Variants in GABRR2 observed in about 807,000 individuals in gnomAD.
GABRR2 encodes gamma-aminobutyric acid receptor subunit rho-2.
Under a neutral mutation model 47.0 loss-of-function variants are expected in GABRR2, and 36 were observed. That is an observed-to-expected ratio of 0.77 (90% confidence interval 0.59 to 1.01). GABRR2 has a LOEUF of 1.01. Among genes scored for constraint, GABRR2 ranks in the 50% least tolerant of loss-of-function variants. The probability of loss-of-function intolerance (pLI) is 0.00; values close to 1 mark genes in which losing one functional copy is unlikely to be tolerated. For missense variants in GABRR2, 587 were observed against 594.6 expected, an observed-to-expected ratio of 0.99 and a Z score of 0.13; for synonymous variants, 204 against 227.5, an observed-to-expected ratio of 0.90 and a Z score of 0.93.
chr6:89,255,569 A>G lies in GABRR2; in HGVS notation c.*2101T>C, dbSNP rs1773583857. Among the ~76,000 whole-genome samples the G allele has an allele frequency of 6.6e-6, 1 of 152,058 alleles. No homozygotes were observed. Among genetic ancestry groups the G allele is most frequent in the African/African-American group, 2.4e-5 (1 of 41,394 alleles). ...GTAGTCTTGGGTCCAGCAACTCCAT[A>G]GTGGGGAAGCTGTCCTCATAAGCAC... On this transcript the variant is annotated 3_prime_UTR_variant, in exon 9 of 9. Coordinates refer to ENST00000402938, the MANE Select transcript of GABRR2 (RefSeq NM_002043.5).
chr6:89,314,996 C>T, intron 1 of GABRR2, 57 bp downstream of exon 1: 1 of 1,492,768 alleles, frequency 6.7e-7, no homozygotes, highest in Non-Finnish European at 9.2e-7. Flanking sequence ...TCCCACTGTG[C>T]CACTGCTGCT....
intron 2 of GABRR2, among the ~76,000 whole-genome samples, chr6:89,289,605 G>A (rs1282604837): frequency 6.6e-6 from 1 of 152,134 alleles, no homozygotes; most frequent in Middle Eastern, 3.2e-3. Flanking sequence ...GGGATGGGGG[G>A]CACGCCAGAG....
intron 6 of GABRR2, 98 bp from the exon 7 acceptor site, chr6:89,265,863 G>A (rs988861608): frequency 1.7e-6 from 2 of 1,202,492 alleles, no homozygotes; most frequent in Admixed American, 4.5e-5. Flanking sequence ...GCTCTCCTCA[G>A]CAACAGAAAG....
chr6:89,306,624 T>G (rs1185403644), intron 1 of GABRR2, among the ~76,000 whole-genome samples: 1 of 152,134 alleles, frequency 6.6e-6, no homozygotes, highest in Non-Finnish European at 1.5e-5. Flanking sequence ...ACAGCCCTGG[T>G]CAGTCCTTCC....
intron 8 of GABRR2, among the ~76,000 whole-genome samples, chr6:89,261,246 A>G (rs1353453277): frequency 1.3e-5 from 2 of 152,246 alleles, no homozygotes; most frequent in African/African-American, 4.8e-5. Flanking sequence ...AATATGGTCC[A>G]AAGTCCTGTG....
At chr6:89,313,202 C>T (rs7764923) in intron 1 of GABRR2, among the ~76,000 whole-genome samples, 52,703 of 152,116 alleles carry the variant, frequency 0.35, 11,522 homozygotes, top group African/African-American at 0.62. Context: ...AATGAGTTGA[C>T]TTGGACAGTT....
At chr6:89,289,543 C>T (rs74496937) in intron 2 of GABRR2, among the ~76,000 whole-genome samples, 2,649 of 152,088 alleles carry the variant, frequency 0.017, 69 homozygotes, top group African/African-American at 0.056. Flanking sequence ...TCAGAGAGGG[C>T]GCAGCTAGGA....
chr6:89,296,529 G>C (rs1774556725), intron 2 of GABRR2, among the ~76,000 whole-genome samples: 1 of 152,234 alleles, frequency 6.6e-6, no homozygotes, highest in East Asian at 1.9e-4. Flanking sequence ...TGTGGTGGCT[G>C]AGATCTTGAC....
At chr6:89,299,667 A>T in intron 2 of GABRR2, 92 bp downstream of exon 2, 1 of 798,560 alleles carries the variant, frequency 1.3e-6, no homozygotes, top group Non-Finnish European at 2.2e-6. Context: ...GCACCATCTG[A>T]GGAAGCGCTG....
intron 1 of GABRR2, chr6:89,301,993 G>C: frequency 1.4e-6 from 1 of 736,256 alleles, no homozygotes; most frequent in South Asian, 1.5e-5. Context: ...TGGAGCCCGG[G>C]ACCATGGACA....
At chr6:89,272,995 T>C (rs1386013205) in intron 2 of GABRR2, among the ~76,000 whole-genome samples, 1 of 152,138 alleles carries the variant, frequency 6.6e-6, no homozygotes, top group Admixed American at 6.5e-5. Context: ...ACACTTGAAA[T>C]CCCACCGTTA....
intron 2 of GABRR2, among the ~76,000 whole-genome samples, chr6:89,295,228 A>G (rs1774534025): frequency 6.6e-6 from 1 of 152,220 alleles, no homozygotes; most frequent in East Asian, 1.9e-4. Flanking sequence ...TATCTTCCAC[A>G]ATGGTTGAAC....
chr6:89,261,391 GC>G (rs1411325792), intron 8 of GABRR2, among the ~76,000 whole-genome samples: 1 of 152,062 alleles, frequency 6.6e-6, no homozygotes, highest in Non-Finnish European at 1.5e-5. Flanking sequence ...AAAGTTCTAA[GC>G]CCCCAAACTG....
chr6:89,263,722 C>T (rs1258762180), intron 8 of GABRR2, among the ~76,000 whole-genome samples: 1 of 152,084 alleles, frequency 6.6e-6, no homozygotes, highest in African/African-American at 2.4e-5. Flanking sequence ...GGGGTTTCAC[C>T]ATGTTGGCCA....
chr6:89,304,340 AGGATCACTTTGAGAAGATGAGGCAGGC>A (rs1433727888), intron 1 of GABRR2, among the ~76,000 whole-genome samples: 2 of 152,124 alleles, frequency 1.3e-5, no homozygotes, highest in Non-Finnish European at 2.9e-5. Flanking sequence ...CTGAGGCAGG[AGGATCACTTTGAGAAGATGAGGCAGGC>A]GGATCACTTG....
intron 2 of GABRR2, among the ~76,000 whole-genome samples, chr6:89,289,449 A>G (rs1774398084): frequency 6.6e-6 from 1 of 152,214 alleles, no homozygotes; most frequent in Non-Finnish European, 1.5e-5. Flanking sequence ...AATATTCTCA[A>G]CTTTATCAAT....
intron 2 of GABRR2, among the ~76,000 whole-genome samples, chr6:89,294,910 G>A (rs532297680): frequency 6.0e-5 from 9 of 151,022 alleles, no homozygotes; most frequent in African/African-American, 1.5e-4. Flanking sequence ...TTGTCCTTGC[G>A]ATAGTTTGCT....
chr6:89,302,195 G>C (rs913480939), intron 1 of GABRR2: 3 of 557,926 alleles, frequency 5.4e-6, no homozygotes, highest in African/African-American at 3.7e-5. Context: ...CCTCTCGCTG[G>C]GCGGGGGCAC....
chr6:89,279,988 G>A lies in GABRR2; in HGVS notation c.221-8266C>T, dbSNP rs527281471. Among the ~76,000 whole-genome samples, 30 of 151,988 alleles carry A rather than the reference G, an allele frequency of 2.0e-4. No homozygotes were observed. In the South Asian group the frequency reaches 5.6e-3, roughly 28 times the overall value. On this transcript the variant is annotated intron_variant, in intron 2 of 8. Transcript: ENST00000402938. Reference sequence around the variant, plus strand: ...ACTTTGGGAGGCTGAGGCAGGTGGGGCACCTGAAGCCAAGAGTTAGAGACT... The same window carrying A: ...ACTTTGGGAGGCTGAGGCAGGTGGGACACCTGAAGCCAAGAGTTAGAGACT...
Sources: gnomAD v4.1 joint callset for allele counts (sites outside exome capture counted in the v4.1 genomes callset) on GRCh38, gnomAD v4.1.1 for gene constraint, MANE v1.5 for transcripts, NCBI Gene and HGNC (gene_info 2026-07-23, HGNC 2026-07-21) for gene names.